KIAA1328: variants seen among roughly 807,000 people sequenced by gnomAD.
KIAA1328 encodes the protein protein hinderin.
KIAA1328 carries 52 observed loss-of-function variants against 68.1 expected under a neutral mutation model. That is an observed-to-expected ratio of 0.76 (90% CI 0.61 to 0.96). The LOEUF (loss-of-function observed/expected upper bound fraction) is 0.96. Among genes scored for constraint, KIAA1328 ranks in the 40% least tolerant of loss-of-function variants. The probability of loss-of-function intolerance (pLI) is 0.00; values close to 1 mark genes in which losing one functional copy is unlikely to be tolerated. For missense variants in KIAA1328, 641 were observed against 677.6 expected (o/e 0.95, Z 0.60); for synonymous variants, 232 against 239.4 (o/e 0.97, Z 0.28).
intron 5 of KIAA1328, among the ~76,000 whole-genome samples, chr18:36,953,378 AT>A (rs2051248194): frequency 9.6e-4 from 1 of 1,046 alleles, no homozygotes. Context: ...ACAACTATAG[AT>A]AGATAGATAG....
intron 6 of KIAA1328, among the ~76,000 whole-genome samples, chr18:37,040,472 T>G (rs2055202149): frequency 6.6e-6 from 1 of 152,164 alleles, no homozygotes; most frequent in Non-Finnish European, 1.5e-5. Context: ...TTTTATTTTA[T>G]TAATAAGTGT....
chr18:36,874,798 G>C (rs2048065513), intron 4 of KIAA1328, among the ~76,000 whole-genome samples: 1 of 152,172 alleles, frequency 6.6e-6, no homozygotes, highest in Non-Finnish European at 1.5e-5. Context: ...TTTTCTTCTA[G>C]GGTTTTTATG....
At chr18:36,955,723 G>A (rs1223905077) in intron 5 of KIAA1328, 1 of 151,974 alleles carries the variant, frequency 6.6e-6, no homozygotes, top group East Asian at 1.9e-4. Context: ...CCCCAAAATG[G>A]GGTTCAGCCA....
At chr18:37,026,738 C>G (rs1463185410) in intron 6 of KIAA1328, among the ~76,000 whole-genome samples, 1 of 152,084 alleles carries the variant, frequency 6.6e-6, no homozygotes, top group East Asian at 1.9e-4. Flanking sequence ...ATCATAAGAG[C>G]TTTTTATGAC....
At chr18:37,128,218 C>T (rs145140954) in intron 7 of KIAA1328, among the ~76,000 whole-genome samples, 1 of 152,080 alleles carries the variant, frequency 6.6e-6, no homozygotes, top group African/African-American at 2.4e-5. Flanking sequence ...CCTGTAATTC[C>T]AGCACTTTGG....
chr18:37,081,415 A>G (rs1278696560), intron 7 of KIAA1328, among the ~76,000 whole-genome samples: 1 of 152,188 alleles, frequency 6.6e-6, no homozygotes, highest in Non-Finnish European at 1.5e-5. Flanking sequence ...ATCACAATTT[A>G]TATTTCTAGG....
At chr18:37,208,998 C>G (rs539198475) in intron 9 of KIAA1328, among the ~76,000 whole-genome samples, 1 of 152,270 alleles carries the variant, frequency 6.6e-6, no homozygotes, top group South Asian at 2.1e-4. Flanking sequence ...TGGACCTAAC[C>G]TAAGTACTCT....
rs9954887 is a variant in KIAA1328, at chr18:37,129,832, A to G, written c.1233-30368A>G. 6.9e-3 allele frequency among the ~76,000 whole-genome samples: 1,049 copies of G among 152,282 alleles called. 15 individuals carry two copies. The highest frequency in any genetic ancestry group is 0.024 in the African/African-American group (1,003 of 41,552). ...CAATGTAGAGTTGATGCTATAGCTG[A>G]CAGAAGGCCAGAGGTGAAGTCTGTG... On this transcript the variant is annotated intron_variant, in intron 7 of 9. Transcript: ENST00000280020.
At chr18:36,951,559 C>G (rs756490413) in intron 5 of KIAA1328, among the ~76,000 whole-genome samples, 14 of 152,260 alleles carry the variant, frequency 9.2e-5, no homozygotes, top group South Asian at 2.1e-4. Flanking sequence ...TGATTAACTC[C>G]CAAATGTCTA....
chr18:36,837,572 A>G (rs1330327565), intron 3 of KIAA1328, among the ~76,000 whole-genome samples: 1 of 152,132 alleles, frequency 6.6e-6, no homozygotes, highest in African/African-American at 2.4e-5. Flanking sequence ...TTTGAAGCAC[A>G]GAAGTTTAAA....
intron 9 of KIAA1328, among the ~76,000 whole-genome samples, chr18:37,185,312 C>T (rs950736784): frequency 6.6e-6 from 1 of 152,104 alleles, no homozygotes; most frequent in Non-Finnish European, 1.5e-5. Context: ...TGAGATTATG[C>T]TCTGTGAACA....
intron 8 of KIAA1328, among the ~76,000 whole-genome samples, chr18:37,170,724 C>T (rs2586786): frequency 0.4 from 60,126 of 152,044 alleles, 13,474 homozygotes; most frequent in African/African-American, 0.61. Context: ...CAGGTCATCT[C>T]GGACATAGAT....
At chr18:36,900,546 G>T (rs559974887) in intron 5 of KIAA1328, among the ~76,000 whole-genome samples, 6 of 151,982 alleles carry the variant, frequency 3.9e-5, no homozygotes, top group South Asian at 2.1e-4. Flanking sequence ...AGTTGCTTTA[G>T]TATGAATTTA....
intron 6 of KIAA1328, among the ~76,000 whole-genome samples, chr18:36,980,820 G>C (rs1222901539): frequency 1.3e-5 from 2 of 152,188 alleles, no homozygotes; most frequent in Non-Finnish European, 2.9e-5. Context: ...TTATAAGGGA[G>C]AGTTTCCTTG....
intron 6 of KIAA1328, among the ~76,000 whole-genome samples, chr18:36,967,158 A>G (rs527997117): frequency 1.2e-4 from 19 of 152,350 alleles, no homozygotes; most frequent in Admixed American, 7.8e-4. Flanking sequence ...CTAATAAATA[A>G]GAAAAGCAGA....
chr18:37,071,602 A>G (rs571723559), intron 7 of KIAA1328, among the ~76,000 whole-genome samples: 1 of 152,310 alleles, frequency 6.6e-6, no homozygotes, highest in Admixed American at 6.5e-5. Flanking sequence ...ATTATACCAG[A>G]GGATGTGCAA....
downstream of KIAA1328, chr18:37,231,371 CAGGT>C (rs1426202289): frequency 3.3e-5 from 5 of 152,202 alleles, no homozygotes; most frequent in African/African-American, 1.2e-4. Context: ...TTCTGCCTTA[CAGGT>C]TTGGTGCCTG....
At chr18:37,171,704 C>T (rs2059502910) in intron 8 of KIAA1328, among the ~76,000 whole-genome samples, 1 of 152,130 alleles carries the variant, frequency 6.6e-6, no homozygotes, top group African/African-American at 2.4e-5. Context: ...TGGTCTTTTA[C>T]ATCTACGCAT....
chr18:37,025,204 A>T (rs1209920021), intron 6 of KIAA1328, among the ~76,000 whole-genome samples: 1 of 152,112 alleles, frequency 6.6e-6, no homozygotes, highest in Non-Finnish European at 1.5e-5. Context: ...CCAATACAGG[A>T]GCACCCAGAT....
Sources: gnomAD v4.1 joint callset for allele counts (sites outside exome capture counted in the v4.1 genomes callset) on GRCh38, gnomAD v4.1.1 for gene constraint, MANE v1.5 for transcripts, NCBI Gene and HGNC (gene_info 2026-07-23, HGNC 2026-07-21) for gene names.